The following GPC6 variants were observed in gnomAD, a reference collection of about 807,000 sequenced individuals.
The protein encoded by GPC6 is glypican-6.
A neutral mutation model predicts 55.2 loss-of-function variants in GPC6; 14 were observed. The ratio of observed to expected loss-of-function variants is 0.25; its 90% confidence interval spans 0.17 to 0.40. GPC6 has a LOEUF of 0.40. Ranked by LOEUF, GPC6 falls within the 10% of genes least tolerant of loss-of-function variation. The pLI, the probability that GPC6 is intolerant of heterozygous loss-of-function variation, is 1.00. For missense variants in GPC6, 641 were observed against 708.5 expected (o/e 0.90, Z 1.08); for synonymous variants, 278 against 259.6 (o/e 1.07, Z -0.68).
chr13:93,885,725 C>CAAAAAAAA (rs1394915387), intron 3 of GPC6, among the ~76,000 whole-genome samples: 3 of 152,132 alleles, frequency 2.0e-5, no homozygotes, highest in African/African-American at 7.2e-5. Flanking sequence ...CCAATTTAGC[C>CAAAAAAAA]AAACACTGAG....
intron 4 of GPC6, among the ~76,000 whole-genome samples, chr13:94,109,687 T>A (rs1432815115): frequency 6.6e-6 from 1 of 152,176 alleles, no homozygotes; most frequent in African/African-American, 2.4e-5. Flanking sequence ...CCATGATTTG[T>A]GTGTATTATG....
intron 3 of GPC6, among the ~76,000 whole-genome samples, chr13:94,005,310 G>A (rs1257511037): frequency 1.3e-5 from 2 of 152,010 alleles, no homozygotes; most frequent in Non-Finnish European, 2.9e-5. Flanking sequence ...ATATCAATTG[G>A]CATCATAGTT....
intron 3 of GPC6, among the ~76,000 whole-genome samples, chr13:93,935,471 A>G (rs368518216): frequency 3.3e-5 from 5 of 152,140 alleles, no homozygotes; most frequent in East Asian, 3.9e-4. Flanking sequence ...ATTCCATGGT[A>G]TATATGTACC....
intron 3 of GPC6, among the ~76,000 whole-genome samples, chr13:93,929,796 A>C (rs1878060192): frequency 6.6e-6 from 1 of 152,006 alleles, no homozygotes; most frequent in Admixed American, 6.6e-5. Flanking sequence ...CAATGTATTT[A>C]AAAGAAAGAA....
At chr13:94,268,632 C>G (rs549640155) in intron 4 of GPC6, among the ~76,000 whole-genome samples, 61 of 152,228 alleles carry the variant, frequency 4.0e-4, no homozygotes, top group African/African-American at 1.5e-3. Flanking sequence ...AGCAGATATT[C>G]TGATTTTTTT....
chr13:94,115,632 A>G (rs1048694287), intron 4 of GPC6, among the ~76,000 whole-genome samples: 1 of 152,076 alleles, frequency 6.6e-6, no homozygotes, highest in Non-Finnish European at 1.5e-5. Flanking sequence ...TTACGTGTAC[A>G]CTGGTAGCTC....
At chr13:94,270,226 ACT>A (rs1891948340) in intron 4 of GPC6, among the ~76,000 whole-genome samples, 1 of 152,230 alleles carries the variant, frequency 6.6e-6, no homozygotes, top group Non-Finnish European at 1.5e-5. Flanking sequence ...TGAATAAATA[ACT>A]GTCAATTTAA....
chr13:93,235,396 C>A (rs1165061562), intron 1 of GPC6, among the ~76,000 whole-genome samples: 1 of 152,034 alleles, frequency 6.6e-6, no homozygotes. Flanking sequence ...GAAAGTAGGT[C>A]ATCATCTCAG....
chr13:93,242,969 A>C (rs534814002), intron 1 of GPC6, among the ~76,000 whole-genome samples: 9 of 152,174 alleles, frequency 5.9e-5, no homozygotes, highest in Admixed American at 1.3e-4. Flanking sequence ...AAAGTCTCGC[A>C]ATGGGTGCAC....
chr13:93,581,223 A>G (rs1326775811), intron 2 of GPC6, among the ~76,000 whole-genome samples: 1 of 152,238 alleles, frequency 6.6e-6, no homozygotes, highest in East Asian at 1.9e-4. Flanking sequence ...TCAGAAAGGC[A>G]GAGAGAATGC....
rs1885668367 is a variant in GPC6, at chr13:93,782,017, A to C, written c.320-48137A>C. Among the ~76,000 whole-genome samples, 4 of 152,156 alleles carry C rather than the reference A, an allele frequency of 2.6e-5. No homozygotes were observed. In the South Asian group the frequency reaches 8.3e-4, roughly 32 times the overall value. The stretch of plus-strand genomic sequence containing the variant: ...TATATTGTTCTTAATTACAGTCATC[A>C]TGAGATACAACAGATCTCTTGAACT... On this transcript the variant is annotated intron_variant, in intron 2 of 8. Coordinates refer to ENST00000377047, the MANE Select transcript of GPC6 (RefSeq NM_005708.5).
chr13:93,683,889 A>T (rs1270134802), intron 2 of GPC6, among the ~76,000 whole-genome samples: 2 of 152,114 alleles, frequency 1.3e-5, no homozygotes, highest in Non-Finnish European at 2.9e-5. Context: ...GGGTGTCAGC[A>T]TGGTTGGGTT....
chr13:93,663,605 C>A (rs925735597), intron 2 of GPC6, among the ~76,000 whole-genome samples: 16 of 152,016 alleles, frequency 1.1e-4, no homozygotes, highest in Non-Finnish European at 1.8e-4. Flanking sequence ...GCAATAATAG[C>A]AGTTGCTTTT....
intron 3 of GPC6, among the ~76,000 whole-genome samples, chr13:93,967,656 TG>T (rs1283786865): frequency 6.6e-6 from 1 of 152,208 alleles, no homozygotes; most frequent in Non-Finnish European, 1.5e-5. Context: ...TGTCATTGTT[TG>T]GACCTAGGAA....
intron 2 of GPC6, among the ~76,000 whole-genome samples, chr13:93,647,942 A>C (rs1005083203): frequency 1.2e-4 from 19 of 152,126 alleles, no homozygotes; most frequent in Admixed American, 1.2e-3. Flanking sequence ...GGGGTATGAA[A>C]GCAAATATCT....
chr13:94,097,393 G>C (rs1885702209), intron 4 of GPC6, among the ~76,000 whole-genome samples: 1 of 151,432 alleles, frequency 6.6e-6, no homozygotes, highest in African/African-American at 2.4e-5. Context: ...TGTAATCCCA[G>C]CTACCGAGGA....
At chr13:93,807,834 A>G (rs1022740671) in intron 2 of GPC6, among the ~76,000 whole-genome samples, 2 of 152,236 alleles carry the variant, frequency 1.3e-5, no homozygotes, top group Non-Finnish European at 2.9e-5. Flanking sequence ...ACTTGAACAT[A>G]CTGGAAACTC....
At chr13:93,752,244 G>A (rs1884619927) in intron 2 of GPC6, among the ~76,000 whole-genome samples, 1 of 152,008 alleles carries the variant, frequency 6.6e-6, no homozygotes, top group East Asian at 1.9e-4. Flanking sequence ...CGGTATGGAG[G>A]AGTTAGATGA....
At chr13:93,254,446 A>G (rs567470642) in intron 1 of GPC6, among the ~76,000 whole-genome samples, 39 of 152,274 alleles carry the variant, frequency 2.6e-4, no homozygotes, top group African/African-American at 8.9e-4. Flanking sequence ...TGGTGTGGCT[A>G]TTTTTTGCCA....
Sources: gnomAD v4.1 joint callset for allele counts (sites outside exome capture counted in the v4.1 genomes callset) on GRCh38, gnomAD v4.1.1 for gene constraint, MANE v1.5 for transcripts, NCBI Gene and HGNC (gene_info 2026-07-23, HGNC 2026-07-21) for gene names.